GPATCH2: variants seen among roughly 807,000 people sequenced by gnomAD.
GPATCH2 encodes the protein G-patch domain containing 2, also known as G patch domain-containing protein 2.
Under a neutral mutation model 58.0 loss-of-function variants are expected in GPATCH2, and 51 were observed. That is an observed-to-expected ratio of 0.88 (90% confidence interval 0.70 to 1.11). The LOEUF (loss-of-function observed/expected upper bound fraction) is 1.11. Among genes scored for constraint, GPATCH2 ranks in the 50% most tolerant of loss-of-function variants. The pLI is 0.00. For synonymous variants in GPATCH2, 222 were observed against 218.5 expected (o/e 1.02, Z -0.14); for missense variants, 625 against 652.2 (o/e 0.96, Z 0.45).
chr1:217,478,107 C>T (rs560883731), intron 8 of GPATCH2, among the ~76,000 whole-genome samples: 51 of 152,248 alleles, frequency 3.3e-4, no homozygotes, highest in African/African-American at 1.1e-3. Flanking sequence ...CTTGGGATGC[C>T]GCCTAAAGCA....
chr1:217,454,166 C>T (rs1409802206), intron 8 of GPATCH2, among the ~76,000 whole-genome samples: 4 of 152,182 alleles, frequency 2.6e-5, no homozygotes. Flanking sequence ...TATGTCTCAA[C>T]GTATTAAACT....
chr1:217,434,346 T>A (rs1385493367), intron 9 of GPATCH2, among the ~76,000 whole-genome samples: 1 of 152,220 alleles, frequency 6.6e-6, no homozygotes, highest in Non-Finnish European at 1.5e-5. Flanking sequence ...AAATCTTTTG[T>A]CAAAAATGTT....
intron 5 of GPATCH2, among the ~76,000 whole-genome samples, chr1:217,544,250 C>A (rs893732831): frequency 6.6e-6 from 1 of 152,012 alleles, no homozygotes; most frequent in Non-Finnish European, 1.5e-5. Context: ...AAAAATTAGC[C>A]GGATGTGGTG....
intron 8 of GPATCH2, among the ~76,000 whole-genome samples, chr1:217,488,626 C>A (rs1421941993): frequency 6.6e-6 from 1 of 151,978 alleles, no homozygotes; most frequent in African/African-American, 2.4e-5. Context: ...GTAAGTCCAA[C>A]CTAATTAGTT....
At chr1:217,443,193 C>A (rs568089923) in intron 9 of GPATCH2, among the ~76,000 whole-genome samples, 3 of 152,242 alleles carry the variant, frequency 2.0e-5, no homozygotes, top group East Asian at 1.9e-4. Context: ...GAATTTCATT[C>A]GTTTTTAATG....
chr1:217,453,255 C>T (rs571688336), intron 8 of GPATCH2, among the ~76,000 whole-genome samples: 1 of 152,084 alleles, frequency 6.6e-6, no homozygotes, highest in South Asian at 2.1e-4. Context: ...AGGAACAGAC[C>T]CAAAGTTATT....
intron 5 of GPATCH2, among the ~76,000 whole-genome samples, chr1:217,587,288 T>C (rs1667383016): frequency 6.6e-6 from 1 of 152,212 alleles, no homozygotes; most frequent in Non-Finnish European, 1.5e-5. Flanking sequence ...TAAAAAGCAC[T>C]GAAGTCCTAA....
At position 217,509,757 on chromosome 1, in the gene GPATCH2, T is replaced by C. The variant is rs531275472; in HGVS notation, c.1166+5065A>G. Among the ~76,000 whole-genome samples, 3 of 152,250 alleles carry C rather than the reference T, an allele frequency of 2.0e-5. No homozygotes were observed. The East Asian group carries it at 5.8e-4, about 29-fold the overall frequency. ...TGAGTGTAACGCATTGTGATGTACA[T>C]TGTAAGAGATTCAAAGTACAAGACA... On this transcript the variant is annotated intron_variant, in intron 6 of 9. Transcript: ENST00000366935.
chr1:217,499,155 G>A (rs11805518), intron 6 of GPATCH2, among the ~76,000 whole-genome samples: 4,516 of 152,200 alleles, frequency 0.03, 139 homozygotes, highest in African/African-American at 0.075. Context: ...AGGACTAGGA[G>A]ATTGAGAGAG....
intron 5 of GPATCH2, among the ~76,000 whole-genome samples, chr1:217,537,873 A>G (rs985143461): frequency 2.0e-5 from 3 of 152,150 alleles, no homozygotes; most frequent in African/African-American, 7.2e-5. Flanking sequence ...AAACTTATTT[A>G]AAGACAATAA....
intron 5 of GPATCH2, among the ~76,000 whole-genome samples, chr1:217,526,204 C>G (rs776054401): frequency 3.9e-5 from 6 of 152,088 alleles, no homozygotes; most frequent in Non-Finnish European, 5.9e-5. Context: ...AAGAAAAATG[C>G]TGATAGTCTC....
chr1:217,431,368 GA>G lies in GPATCH2; in HGVS notation c.1367-4del. On this transcript the variant is annotated splice_polypyrimidine_tract_variant and splice_region_variant and intron_variant, in intron 9 of 9. Coordinates refer to ENST00000366935, the MANE Select transcript of GPATCH2 (RefSeq NM_018040.5). The stretch of plus-strand genomic sequence containing the variant: ...CTGGGCATTTTCACCTACAAATCCT[GA>G]AATGATAAAACAACAGCACACATTA... 1 of 1,500,518 alleles carries G rather than the reference GA, an allele frequency of 6.7e-7. No homozygotes were observed. Among genetic ancestry groups the G allele is most frequent in the Non-Finnish European group, 9.3e-7 (1 of 1,076,062 alleles). The allele number at this position is 1,500,518 out of a possible 1,614,324, so 93.0% of individuals were successfully genotyped here.
At chr1:217,435,722 T>C (rs572713261) in intron 9 of GPATCH2, among the ~76,000 whole-genome samples, 4 of 152,362 alleles carry the variant, frequency 2.6e-5, no homozygotes, top group African/African-American at 9.6e-5. Flanking sequence ...TACTGTCCTC[T>C]GTTCTCAGCA....
intron 8 of GPATCH2, among the ~76,000 whole-genome samples, chr1:217,464,878 A>G (rs1571748195): frequency 6.6e-6 from 1 of 152,190 alleles, no homozygotes; most frequent in African/African-American, 2.4e-5. Context: ...GATTATTAAA[A>G]GGAAAAAATA....
At chr1:217,607,909 T>C (rs1431410717) in intron 5 of GPATCH2, among the ~76,000 whole-genome samples, 2 of 152,172 alleles carry the variant, frequency 1.3e-5, no homozygotes, top group Non-Finnish European at 1.5e-5. Flanking sequence ...TGGCCTTCTG[T>C]TTAATGGGTT....
At chr1:217,436,470 A>G (rs1218092546) in intron 9 of GPATCH2, among the ~76,000 whole-genome samples, 1 of 152,196 alleles carries the variant, frequency 6.6e-6, no homozygotes, top group Non-Finnish European at 1.5e-5. Context: ...AAAAGCCTAC[A>G]CACATTTCTT....
intron 1 of GPATCH2, among the ~76,000 whole-genome samples, chr1:217,621,179 A>G (rs1471255985): frequency 6.6e-6 from 1 of 152,218 alleles, no homozygotes; most frequent in African/African-American, 2.4e-5. Flanking sequence ...AGAGCATTAA[A>G]CTATATTACC....
At chr1:217,471,711 C>A (rs1660729024) in intron 8 of GPATCH2, among the ~76,000 whole-genome samples, 1 of 151,130 alleles carries the variant, frequency 6.6e-6, no homozygotes, top group African/African-American at 2.4e-5. Flanking sequence ...TCTATTGTCA[C>A]TTTTTTTTTC....
At chr1:217,522,399 C>T (rs759602991) in intron 5 of GPATCH2, among the ~76,000 whole-genome samples, 2 of 151,962 alleles carry the variant, frequency 1.3e-5, no homozygotes, top group Non-Finnish European at 2.9e-5. Flanking sequence ...AAAAATTAAC[C>T]AGCTCAGAAT....
Sources: gnomAD v4.1 joint callset for allele counts (sites outside exome capture counted in the v4.1 genomes callset) on GRCh38, gnomAD v4.1.1 for gene constraint, MANE v1.5 for transcripts, NCBI Gene and HGNC (gene_info 2026-07-23, HGNC 2026-07-21) for gene names.